The following DOCK3 variants were observed in gnomAD, a reference collection of about 807,000 sequenced individuals.
The protein encoded by DOCK3 is dedicator of cytokinesis 3.
Under a neutral mutation model 265.6 loss-of-function variants are expected in DOCK3, and 60 were observed. The observed-to-expected ratio is 0.23, with a 90% CI of 0.18 to 0.28. The LOEUF is 0.28. DOCK3 is among the 10% of genes least tolerant of loss of function. The pLI is 1.00. For missense variants in DOCK3, 1,981 were observed against 2,594.3 expected, an observed-to-expected ratio of 0.76 and a Z score of 5.14; for synonymous variants, 881 against 938.0, an observed-to-expected ratio of 0.94 and a Z score of 1.11.
chr3:50,886,322 A>AT (rs2048334853), intron 3 of DOCK3, among the ~76,000 whole-genome samples: 1 of 151,646 alleles, frequency 6.6e-6, no homozygotes, highest in Non-Finnish European at 1.5e-5. Flanking sequence ...GATTTTTACT[A>AT]TCAATTGTTT....
chr3:50,911,215 G>A (rs980768827), intron 4 of DOCK3, among the ~76,000 whole-genome samples: 1 of 151,810 alleles, frequency 6.6e-6, no homozygotes, highest in South Asian at 2.1e-4. Context: ...TTGAGGTCTC[G>A]CTCCAAAAAT....
intron 1 of DOCK3, among the ~76,000 whole-genome samples, chr3:50,693,685 G>A (rs1266763166): frequency 6.6e-6 from 1 of 151,348 alleles, no homozygotes; most frequent in African/African-American, 2.4e-5. Context: ...GCAGGCACCT[G>A]CCACCACACC....
At chr3:50,683,944 G>C (rs1397635367) in intron 1 of DOCK3, among the ~76,000 whole-genome samples, 1 of 150,492 alleles carries the variant, frequency 6.6e-6, no homozygotes, top group Non-Finnish European at 1.5e-5. Context: ...GATTACAGGC[G>C]TGAGCCACCA....
At chr3:51,295,215 A>G (rs972333021) in intron 27 of DOCK3, among the ~76,000 whole-genome samples, 2 of 152,244 alleles carry the variant, frequency 1.3e-5, no homozygotes, top group Admixed American at 1.3e-4. Flanking sequence ...AAAAAGTTTA[A>G]GATTGGGTCT....
At chr3:51,375,673 CG>C in intron 50 of DOCK3, 74 bp from the exon 51 acceptor site, 1 of 1,523,872 alleles carries the variant, frequency 6.6e-7, no homozygotes, top group East Asian at 2.3e-5. Context: ...TCCTGTCTCT[CG>C]TCGCCCACAA....
intron 3 of DOCK3, among the ~76,000 whole-genome samples, chr3:50,842,993 G>A (rs891263138): frequency 3.9e-5 from 6 of 152,128 alleles, no homozygotes; most frequent in African/African-American, 9.7e-5. Flanking sequence ...GGATCAGCGC[G>A]TGGACTGTGC....
At chr3:50,990,138 A>C (rs2078054449) in intron 5 of DOCK3, among the ~76,000 whole-genome samples, 1 of 152,206 alleles carries the variant, frequency 6.6e-6, no homozygotes, top group African/African-American at 2.4e-5. Context: ...AAAACCCCCC[A>C]AAAAGTATGA....
At position 51,382,277 on chromosome 3, in the gene DOCK3, C is replaced by T. The variant is rs1415974382; in HGVS notation, c.*718C>T. 6.6e-6 allele frequency: 1 copy of T among 152,478 alleles called. No homozygotes were observed. The highest frequency in any genetic ancestry group is 1.5e-5 in the Non-Finnish European group (1 of 68,122). The allele number at this position is 152,478 out of a possible 1,614,324, so 9.4% of individuals were successfully genotyped here. On this transcript the variant is annotated 3_prime_UTR_variant, in exon 53 of 53. Transcript: ENST00000266037. ...CACATCATTTCTGACCATTTGCTCC[C>T]TTCCATTCTTGAAACACCTCATGCC...
rs554231986 is a variant in DOCK3, at chr3:51,029,680, A to G, written c.316-34768A>G. Among the ~76,000 whole-genome samples, 5 of 152,222 alleles carry G rather than the reference A, an allele frequency of 3.3e-5. No individual in the cohort carries two copies. The East Asian group carries it at 9.7e-4, about 29-fold the overall frequency. ...TTAGGTGCAGTTTGTGTTGAAGGTTATATCTCCAGGGGACCCACAACTCCC... is the reference window on the plus strand; with the variant it reads ...TTAGGTGCAGTTTGTGTTGAAGGTTGTATCTCCAGGGGACCCACAACTCCC... On this transcript the variant is annotated intron_variant, in intron 5 of 52. Transcript: ENST00000266037.
intron 4 of DOCK3, among the ~76,000 whole-genome samples, chr3:50,899,648 A>G (rs2049076044): frequency 1.3e-5 from 2 of 152,168 alleles, no homozygotes; most frequent in South Asian, 2.1e-4. Flanking sequence ...TGCTTCCTTC[A>G]GGAGCTCTTG....
At chr3:51,310,126 C>T in intron 27 of DOCK3, 106 bp from the exon 28 acceptor site, 2 of 825,934 alleles carry the variant, frequency 2.4e-6, no homozygotes, top group Non-Finnish European at 4.1e-6. Context: ...AGATCTAACT[C>T]ACTGGTCCCA....
At chr3:51,243,964 C>G (rs2078718974) in intron 21 of DOCK3, among the ~76,000 whole-genome samples, 1 of 152,196 alleles carries the variant, frequency 6.6e-6, no homozygotes, top group Non-Finnish European at 1.5e-5. Flanking sequence ...TCTTTTCCCC[C>G]ACTGAATGGT....
chr3:51,011,495 C>G (rs746338935), intron 5 of DOCK3, among the ~76,000 whole-genome samples: 1 of 152,144 alleles, frequency 6.6e-6, no homozygotes, highest in Non-Finnish European at 1.5e-5. Flanking sequence ...AAGGATTTCT[C>G]TACACTGGTT....
At chr3:50,865,342 G>A (rs534815100) in intron 3 of DOCK3, among the ~76,000 whole-genome samples, 5 of 151,968 alleles carry the variant, frequency 3.3e-5, no homozygotes, top group African/African-American at 9.7e-5. Flanking sequence ...TCTACTCTCT[G>A]TCTCCATGAG....
At chr3:51,275,349 AT>A (rs1247334202) in intron 25 of DOCK3, 143 bp downstream of exon 25, 1 of 1,284,438 alleles carries the variant, frequency 7.8e-7, no homozygotes, top group Admixed American at 2.0e-5. Flanking sequence ...GCCCAAGTGA[AT>A]GGAGCCCTGT....
chr3:50,739,953 T>C (rs1343464404), intron 1 of DOCK3, among the ~76,000 whole-genome samples: 1 of 152,148 alleles, frequency 6.6e-6, no homozygotes, highest in Non-Finnish European at 1.5e-5. Context: ...AATTCATCAC[T>C]GTAATCACTC....
At chr3:50,842,721 T>A (rs1204582021) in intron 3 of DOCK3, among the ~76,000 whole-genome samples, 2 of 152,138 alleles carry the variant, frequency 1.3e-5, no homozygotes, top group Non-Finnish European at 2.9e-5. Flanking sequence ...GACCCCTGGT[T>A]GAGAACCACT....
chr3:50,970,486 A>G (rs1028962231), intron 5 of DOCK3, among the ~76,000 whole-genome samples: 4 of 151,912 alleles, frequency 2.6e-5, no homozygotes, highest in Non-Finnish European at 5.9e-5. Context: ...TTCACTTTTT[A>G]AATCTTTTTT....
chr3:50,934,239 C>A (rs944889896), intron 5 of DOCK3, among the ~76,000 whole-genome samples, 162 bp downstream of exon 5: 1 of 152,102 alleles, frequency 6.6e-6, no homozygotes, highest in African/African-American at 2.4e-5. Flanking sequence ...GTTTTTTCAA[C>A]CTGAGGAGAA....
Sources: gnomAD v4.1 joint callset for allele counts (sites outside exome capture counted in the v4.1 genomes callset) on GRCh38, gnomAD v4.1.1 for gene constraint, MANE v1.5 for transcripts, NCBI Gene and HGNC (gene_info 2026-07-23, HGNC 2026-07-21) for gene names.